Variants in KDM7A observed in about 807,000 individuals in gnomAD.
KDM7A encodes the protein lysine demethylase 7A.
Under a neutral mutation model 114.8 loss-of-function variants are expected in KDM7A, and 28 were observed. That is an observed-to-expected ratio of 0.24 (90% CI 0.18 to 0.33). The LOEUF is 0.33. KDM7A is among the 10% of genes least tolerant of loss of function. The probability of loss-of-function intolerance (pLI) is 1.00; values close to 1 mark genes in which losing one functional copy is unlikely to be tolerated. For missense variants in KDM7A, 942 were observed against 1,142.5 expected (o/e 0.82, Z 2.53); for synonymous variants, 423 against 397.8 (o/e 1.06, Z -0.75).
At chr7:140,120,724 G>A (rs1818606594) in intron 7 of KDM7A, among the ~76,000 whole-genome samples, 195 bp from the exon 8 acceptor site, 1 of 152,172 alleles carries the variant, frequency 6.6e-6, no homozygotes, top group South Asian at 2.1e-4. Flanking sequence ...GCTCTATGCT[G>A]AGTTTGAGAA....
At position 140,097,597 on chromosome 7, in the gene KDM7A, C is replaced by T; in HGVS notation, c.1964G>A (p.Gly655Glu). The change falls in exon 15 of 20, where the codon GGA becomes GAA. Residue 655 changes from glycine (G) to glutamate (E), a missense_variant. By Grantham distance (98) the Gly-to-Glu change is moderately conservative (BLOSUM62 -2). This residue lies in a region of KDM7A where 512 missense variants were observed against 576.6 expected (regional missense o/e 0.89). Transcript: ENST00000397560. ...VKSELRSRSS[G>E]YSDISESEDS... is the part of the protein sequence containing the mutation. ...TTCTGACTCAGAAATATCAGAATAT[C>T]CTGATGATCTACTCCTGAGTTCTGA... 6.2e-7 allele frequency: 1 copy of T among 1,608,482 alleles called. No individual in the cohort carries two copies. The highest frequency in any genetic ancestry group is 1.1e-5 in the South Asian group (1 of 90,928).
rs548900798 is a variant in KDM7A, at chr7:140,099,347, C to A, written c.1764-314G>T. Among the ~76,000 whole-genome samples, 159 of 152,202 alleles carry A rather than the reference C, an allele frequency of 1.0e-3. 1 individual carries two copies. The highest frequency in any genetic ancestry group is 3.7e-3 in the African/African-American group (152 of 41,516). On this transcript the variant is annotated intron_variant, in intron 13 of 19. Coordinates refer to ENST00000397560, the MANE Select transcript of KDM7A (RefSeq NM_030647.2). ...GTAGCCAGGACTACAGGCATGGCCA[C>A]CACACCCAGCTAATTTATTTTTATT...
intron 17 of KDM7A, 89 bp downstream of exon 17, chr7:140,096,466 C>G: frequency 9.8e-7 from 1 of 1,017,238 alleles, no homozygotes; most frequent in South Asian, 1.5e-5. Flanking sequence ...GATGCTTATT[C>G]ATAATCTCTA....
rs780765390 is a variant in KDM7A at position 140,097,553 on chromosome 7, T to A, written c.2008A>T (p.Thr670Ser). 1 of 1,574,912 alleles carries A rather than the reference T, an allele frequency of 6.3e-7. No homozygotes were observed. Among genetic ancestry groups the A allele is most frequent in the Non-Finnish European group, 8.7e-7 (1 of 1,144,766 alleles). Reference protein sequence around the residue: ...SESEDSGPECTALKSIFTTEE... With the variant: ...SESEDSGPECSALKSIFTTEE... ...TGGGGTCTCAGGCGTACCAGTGCAGTGCACTCGGGTCCGGAGTCTTCTGAC... is the reference window on the plus strand; with the variant it reads ...TGGGGTCTCAGGCGTACCAGTGCAGAGCACTCGGGTCCGGAGTCTTCTGAC... The change falls in exon 15 of 20, where the codon ACT (threonine) becomes TCT (serine). Residue 670 changes from threonine (T) to serine (S), a missense_variant. By Grantham distance (58) the Thr-to-Ser change is moderately conservative (BLOSUM62 1). Coordinates refer to ENST00000397560, the MANE Select transcript of KDM7A (RefSeq NM_030647.2).
At chr7:140,139,865 T>C (rs1464893981) in intron 1 of KDM7A, among the ~76,000 whole-genome samples, 3 of 152,174 alleles carry the variant, frequency 2.0e-5, no homozygotes, top group African/African-American at 7.2e-5. Flanking sequence ...CCTAAAGACA[T>C]TAGATATAAA....
In KDM7A at chr7:140,150,573, C is replaced by G. The variant is rs77164483; in HGVS notation, c.195-11383G>C. Among the ~76,000 whole-genome samples the G allele has an allele frequency of 2.7e-3, 406 of 152,230 alleles. 4 individuals are homozygous for G. Among genetic ancestry groups the G allele is most frequent in the African/African-American group, 9.3e-3 (388 of 41,548 alleles). ...AACAGTTTGTATGCGATCCCCTCATCCCTATGTTTGTAAATGCAAGGTATA... is the reference window on the plus strand; with the variant it reads ...AACAGTTTGTATGCGATCCCCTCATGCCTATGTTTGTAAATGCAAGGTATA... On this transcript the variant is annotated intron_variant, in intron 1 of 19. Coordinates refer to ENST00000397560, the MANE Select transcript of KDM7A (RefSeq NM_030647.2).
chr7:140,112,824 C>G (rs1277612551), intron 10 of KDM7A, among the ~76,000 whole-genome samples: 1 of 152,186 alleles, frequency 6.6e-6, no homozygotes, highest in Non-Finnish European at 1.5e-5. Flanking sequence ...AGAAATATAG[C>G]ATGGATGCAT....
intron 17 of KDM7A, chr7:140,094,902 CA>C (rs1246056035): frequency 1.3e-5 from 2 of 152,374 alleles, no homozygotes; most frequent in Non-Finnish European, 2.9e-5. Context: ...GGCTGGAGTG[CA>C]ATGTCGCAAT....
At chr7:140,156,590 A>G (rs1389385834) in intron 1 of KDM7A, among the ~76,000 whole-genome samples, 2 of 152,196 alleles carry the variant, frequency 1.3e-5, no homozygotes, top group Non-Finnish European at 2.9e-5. Context: ...AAGACTAAGT[A>G]TAAGGGGCTT....
At chr7:140,144,588 T>C (rs535039942) in intron 1 of KDM7A, among the ~76,000 whole-genome samples, 1 of 151,818 alleles carries the variant, frequency 6.6e-6, no homozygotes. Flanking sequence ...GGTAGAGAGG[T>C]ATGAGGAAAG....
chr7:140,094,020 TA>T, intron 18 of KDM7A, 35 bp downstream of exon 18: 3 of 1,234,426 alleles, frequency 2.4e-6, no homozygotes, highest in Non-Finnish European at 3.6e-6. Context: ...ATGATCATTT[TA>T]AATCTCCTTT....
intron 8 of KDM7A, among the ~76,000 whole-genome samples, chr7:140,119,581 A>C (rs1377410011): frequency 6.6e-6 from 1 of 152,190 alleles, no homozygotes; most frequent in Non-Finnish European, 1.5e-5. Flanking sequence ...ATACCCACCC[A>C]AAAAAGTTTT....
At chr7:140,152,837 A>G (rs1794416138) in intron 1 of KDM7A, among the ~76,000 whole-genome samples, 1 of 152,130 alleles carries the variant, frequency 6.6e-6, no homozygotes, top group Admixed American at 6.5e-5. Context: ...ATAATTTGTC[A>G]TTATAGGTTC....
intron 3 of KDM7A, among the ~76,000 whole-genome samples, chr7:140,131,976 C>CA (rs1818794501): frequency 6.6e-6 from 1 of 151,980 alleles, no homozygotes; most frequent in African/African-American, 2.4e-5. Flanking sequence ...GTAAAAAAGG[C>CA]AAATTGTACA....
intron 1 of KDM7A, among the ~76,000 whole-genome samples, chr7:140,151,240 T>C (rs578151827): frequency 2.0e-5 from 3 of 152,218 alleles, no homozygotes; most frequent in Non-Finnish European, 4.4e-5. Flanking sequence ...TCATGGCTAG[T>C]GCGACACCAA....
chr7:140,100,138 C>T lies in KDM7A; in HGVS notation c.1639-115G>A, dbSNP rs1818178041. 1.0e-5 allele frequency: 11 copies of T among 1,084,590 alleles called. No homozygotes were observed. The Admixed American group carries it at 1.7e-4, about 17-fold the overall frequency. The allele number at this position is 1,084,590 out of a possible 1,614,324, so 67.2% of individuals were successfully genotyped here. ...TGGTCCTGCATCTCAAAGATACAGGCAGCCACCTGGGCTTGGGGATATGCA... is the reference window on the plus strand; with the variant it reads ...TGGTCCTGCATCTCAAAGATACAGGTAGCCACCTGGGCTTGGGGATATGCA... On this transcript the variant is annotated intron_variant, in intron 12 of 19. Transcript: ENST00000397560.
At chr7:140,157,975 T>A (rs1290237912) in intron 1 of KDM7A, among the ~76,000 whole-genome samples, 4 of 110,652 alleles carry the variant, frequency 3.6e-5, no homozygotes, top group East Asian at 4.3e-4. Flanking sequence ...TCTCAAAAAA[T>A]AAATAAATAA....
At chr7:140,145,623 G>A (rs1794331566) in intron 1 of KDM7A, among the ~76,000 whole-genome samples, 1 of 152,128 alleles carries the variant, frequency 6.6e-6, no homozygotes, top group Non-Finnish European at 1.5e-5. Flanking sequence ...GATTTTAAAT[G>A]CAAGGTTCAT....
At chr7:140,108,196 T>C (rs966537718) in intron 11 of KDM7A, among the ~76,000 whole-genome samples, 1 of 152,204 alleles carries the variant, frequency 6.6e-6, no homozygotes, top group Non-Finnish European at 1.5e-5. Flanking sequence ...TCAAGGTTTT[T>C]AGCTTCTTTG....
Sources: allele counts gnomAD v4.1 joint callset (sites outside exome capture counted in the v4.1 genomes callset), GRCh38; gene constraint gnomAD v4.1.1; regional missense constraint gnomAD v4.1.1; transcripts MANE v1.5; gene names NCBI Gene and HGNC (gene_info 2026-07-23, HGNC 2026-07-21).